Variants in CCDC174 observed in about 807,000 individuals in gnomAD.
CCDC174 encodes coiled-coil domain containing 174, also known as coiled-coil domain-containing protein 174.
Under a neutral mutation model 57.1 loss-of-function variants are expected in CCDC174, and 37 were observed. The ratio of observed to expected loss-of-function variants is 0.65; its 90% confidence interval spans 0.50 to 0.85. CCDC174 has a LOEUF of 0.85. CCDC174 is among the 40% of genes least tolerant of loss of function. The probability of loss-of-function intolerance (pLI) is 0.00; values close to 1 mark genes in which losing one functional copy is unlikely to be tolerated. For missense variants in CCDC174, 540 were observed against 574.3 expected, an observed-to-expected ratio of 0.94 and a Z score of 0.61; for synonymous variants, 182 against 190.2, an observed-to-expected ratio of 0.96 and a Z score of 0.35.
chr3:14,653,165 C>T (rs2030834785), intron 1 of CCDC174, among the ~76,000 whole-genome samples: 2 of 152,090 alleles, frequency 1.3e-5, no homozygotes, highest in Admixed American at 1.3e-4. Flanking sequence ...AGATCAGGAA[C>T]CAGAAAGCTA....
At position 14,672,256 on chromosome 3, in the gene CCDC174, A is replaced by T. The variant is rs1458842606; in HGVS notation, c.*1062A>T. The T allele has an allele frequency of 6.6e-6, 1 of 152,342 alleles. No homozygotes were observed. Among genetic ancestry groups the T allele is most frequent in the Non-Finnish European group, 1.5e-5 (1 of 68,196 alleles). The allele number at this position is 152,342 out of a possible 1,614,324, so 9.4% of individuals were successfully genotyped here. On this transcript the variant is annotated 3_prime_UTR_variant, in exon 11 of 11. Transcript: ENST00000383794. ...TTGTTCTCTGAAGAGTGGGAAGGAG[A>T]GGAGTGAGTGAAGTAGCCTGTCCCC...
At chr3:14,664,813 C>T (rs1398257156) in intron 5 of CCDC174, among the ~76,000 whole-genome samples, 1 of 152,206 alleles carries the variant, frequency 6.6e-6, no homozygotes, top group Non-Finnish European at 1.5e-5. Flanking sequence ...TTATTGTTAA[C>T]AGTTTCTAAA....
Position 14,666,187 on chromosome 3 carries a change from G to A in CCDC174, c.582-618G>A, listed in dbSNP as rs553216351. The stretch of plus-strand genomic sequence containing the variant: ...CCCAGATGAGAGACCATCCACAGGA[G>A]GAGACCCAGAGTTCCTCCTCCCTGC... On this transcript the variant is annotated intron_variant, in intron 6 of 10. Transcript: ENST00000383794. Among the ~76,000 whole-genome samples the A allele has an allele frequency of 2.0e-5, 3 of 152,292 alleles. No homozygotes were observed. The South Asian group carries it at 6.2e-4, about 32-fold the overall frequency.
At chr3:14,662,558 C>T (rs967817424) in intron 5 of CCDC174, among the ~76,000 whole-genome samples, 5 of 152,004 alleles carry the variant, frequency 3.3e-5, no homozygotes, top group African/African-American at 1.2e-4. Context: ...TTTTTTCTAC[C>T]TAAGATATTA....
intron 9 of CCDC174, among the ~76,000 whole-genome samples, chr3:14,668,532 A>T (rs1008916414): frequency 1.3e-5 from 2 of 152,148 alleles, no homozygotes; most frequent in African/African-American, 4.8e-5. Context: ...TTATATATAT[A>T]TTTAAAGAAA....
intron 6 of CCDC174, among the ~76,000 whole-genome samples, chr3:14,665,414 G>A (rs925916016): frequency 6.6e-5 from 10 of 152,148 alleles, no homozygotes; most frequent in Non-Finnish European, 8.8e-5. Context: ...AGCAAACCAG[G>A]CTTTGTGGAG....
At chr3:14,660,511 GA>G (rs56340655) in intron 4 of CCDC174, among the ~76,000 whole-genome samples, 2 of 151,334 alleles carry the variant, frequency 1.3e-5, no homozygotes, top group African/African-American at 2.4e-5. Flanking sequence ...TTCAGAAAAA[GA>G]AAAAAAAAGT....
At chr3:14,666,164 C>T (rs933679981) in intron 6 of CCDC174, among the ~76,000 whole-genome samples, 8 of 152,126 alleles carry the variant, frequency 5.3e-5, no homozygotes, top group African/African-American at 1.7e-4. Flanking sequence ...TTCATGTCCC[C>T]AGATGAGAGA....
At chr3:14,669,672 A>C (rs1055098101) in intron 9 of CCDC174, among the ~76,000 whole-genome samples, 3 of 152,172 alleles carry the variant, frequency 2.0e-5, no homozygotes, top group Non-Finnish European at 4.4e-5. Flanking sequence ...AGCCCGTATC[A>C]CTTTCTACCT....
At chr3:14,664,152 C>T (rs1331790446) in intron 5 of CCDC174, among the ~76,000 whole-genome samples, 1 of 152,106 alleles carries the variant, frequency 6.6e-6, no homozygotes, top group Non-Finnish European at 1.5e-5. Context: ...TTTTAAATCA[C>T]AACTAACAAT....
At chr3:14,658,846 A>G (rs768461759) in intron 3 of CCDC174, 25 bp from the exon 4 acceptor site, 1 of 1,540,068 alleles carries the variant, frequency 6.5e-7, no homozygotes, top group South Asian at 1.1e-5. Context: ...GACCATTTCT[A>G]ATACTTGTAT....
In CCDC174 at chr3:14,671,478, A is replaced by G; in HGVS notation, c.*284A>G. ...TAAAATTAGACACTGAGATGTGCTT[A>G]TAACCCTGTTTCATATCTACTCCCA... On this transcript the variant is annotated 3_prime_UTR_variant, in exon 11 of 11. Transcript: ENST00000383794. The G allele has an allele frequency of 2.8e-6, 1 of 361,802 alleles. No homozygotes were observed. The allele number at this position is 361,802 out of a possible 1,614,324, so 22.4% of individuals were successfully genotyped here.
rs1368165928 is a variant in CCDC174 at position 14,667,489 on chromosome 3, A to G, written c.790A>G (p.Met264Val). 2.5e-6 allele frequency: 4 copies of G among 1,613,966 alleles called. No homozygotes were observed. The highest frequency in any genetic ancestry group is 3.4e-6 in the Non-Finnish European group (4 of 1,179,972). ...AGACAAAGAGTTGAGAAACAAGCAGATGAAAACCTTAGAGATGCTGCGTGA... is the reference window on the plus strand; with the variant it reads ...AGACAAAGAGTTGAGAAACAAGCAGGTGAAAACCTTAGAGATGCTGCGTGA... ...ARDKELRNKQ[M>V]KTLEMLREQT... Residue 264 changes from methionine to valine, a missense_variant, in exon 8 of 11, where the codon ATG becomes GTG. Physicochemically the swap from Met to Val is conservative, Grantham distance 21. Transcript: ENST00000383794.
rs537764798 is a variant in CCDC174 at position 14,663,278 on chromosome 3, A to G, written c.485+1571A>G. On this transcript the variant is annotated intron_variant, in intron 5 of 10. Transcript: ENST00000383794. Reference sequence around the variant, plus strand: ...TGCCTGGGCCTCCCAAAGTGCTGGTATTACAGGCGTGAGCCACCACGCCTG... The same window carrying G: ...TGCCTGGGCCTCCCAAAGTGCTGGTGTTACAGGCGTGAGCCACCACGCCTG... 2.0e-4 allele frequency among the ~76,000 whole-genome samples: 31 copies of G among 152,280 alleles called. 1 individual carries two copies. In the South Asian group the frequency reaches 4.8e-3, roughly 23 times the overall value.
chr3:14,654,359 A>T (rs978303463), intron 1 of CCDC174, 67 bp from the exon 2 acceptor site: 18 of 804,002 alleles, frequency 2.2e-5, no homozygotes, highest in Non-Finnish European at 3.7e-5. Flanking sequence ...TGGAAATTAT[A>T]ATAATTTAGC....
At chr3:14,661,471 T>C (rs954914366) in intron 4 of CCDC174, 59 bp from the exon 5 acceptor site, 2 of 1,470,210 alleles carry the variant, frequency 1.4e-6, no homozygotes, top group Admixed American at 3.9e-5. Flanking sequence ...GACTGCTTCT[T>C]GTCCATTCCA....
chr3:14,655,459 TC>T, intron 2 of CCDC174, 69 bp from the exon 3 acceptor site: 1 of 913,174 alleles, frequency 1.1e-6, no homozygotes, highest in Non-Finnish European at 1.7e-6. Context: ...TTTTTTTTTT[TC>T]CTGATGCACA....
chr3:14,654,410 ACT>A lies in CCDC174; in HGVS notation c.43-15_43-14del, dbSNP rs2030879457. On this transcript the variant is annotated splice_polypyrimidine_tract_variant and intron_variant, in intron 1 of 10. Coordinates refer to ENST00000383794, the MANE Select transcript of CCDC174 (RefSeq NM_016474.5). Reference sequence around the variant, plus strand: ...AGGAATTTAATATTTTTGTTTACTTACTGCTTTCATTCTAGTTGGTAGATCTT... The same window carrying A: ...AGGAATTTAATATTTTTGTTTACTTAGCTTTCATTCTAGTTGGTAGATCTT... 1 of 1,365,346 alleles carries A rather than the reference ACT, an allele frequency of 7.3e-7. No homozygotes were observed. Among genetic ancestry groups the A allele is most frequent in the African/African-American group, 1.4e-5 (1 of 69,060 alleles). The allele number at this position is 1,365,346 out of a possible 1,614,324, so 84.6% of individuals were successfully genotyped here.
At position 14,655,533 on chromosome 3, in the gene CCDC174, C is replaced by G; in HGVS notation, c.152C>G (p.Pro51Arg). The change falls in exon 3 of 11, where the codon CCA becomes CGA. Residue 51 changes from proline to arginine, a missense_variant. Transcript: ENST00000383794. Reference protein sequence around the residue: ...FGKPKTTNKKPSIWSKQNVGV... With the variant: ...FGKPKTTNKKRSIWSKQNVGV... ...TCTTCTAAAATTATTCTCCAGAAAC[C>G]AAGTATCTGGAGCAAACAGAATGTA... is the stretch of plus-strand genomic sequence containing the variant. 1 of 1,596,684 alleles carries G rather than the reference C, an allele frequency of 6.3e-7. No individual in the cohort carries two copies. The highest frequency in any genetic ancestry group is 8.5e-7 in the Non-Finnish European group (1 of 1,170,800).
Sources: allele counts gnomAD v4.1 joint callset (sites outside exome capture counted in the v4.1 genomes callset), GRCh38; gene constraint gnomAD v4.1.1; transcripts MANE v1.5; gene names NCBI Gene and HGNC (gene_info 2026-07-23, HGNC 2026-07-21).